PCDH17: variants seen among roughly 807,000 people sequenced by gnomAD.
PCDH17 encodes the protein protocadherin 17.
A neutral mutation model predicts 67.7 loss-of-function variants in PCDH17; 21 were observed. That is an observed-to-expected ratio of 0.31 (90% CI 0.22 to 0.45). PCDH17 has a LOEUF of 0.45. Ranked by LOEUF, PCDH17 falls within the 20% of genes least tolerant of loss-of-function variation. The pLI is 1.00. For synonymous variants in PCDH17, 701 were observed against 656.7 expected (o/e 1.07, Z -1.03); for missense variants, 1,471 against 1,564.8 (o/e 0.94, Z 1.01).
At chr13:57,670,246 C>T (rs769853014) in intron 3 of PCDH17, among the ~76,000 whole-genome samples, 1 of 151,824 alleles carries the variant, frequency 6.6e-6, no homozygotes, top group Non-Finnish European at 1.5e-5. Context: ...ATTTGAAAAA[C>T]ATCATGAGAG....
chr13:57,634,422 G>C lies in PCDH17; in HGVS notation c.1876G>C (p.Glu626Gln). Reference sequence around the variant, plus strand: ...CGGCGAGAGCGGGCGTCTCACCTACGAGATCGTGGACGGCAACGACGACCA... The same window carrying C: ...CGGCGAGAGCGGGCGTCTCACCTACCAGATCGTGGACGGCAACGACGACCA... The part of the protein sequence containing the change: ...DFGESGRLTY[E>Q]IVDGNDDHLF... The change falls in exon 1 of 4, where the codon GAG becomes CAG. Residue 626 changes from glutamate to glutamine, a missense_variant. Transcript: ENST00000377918. The surrounding 1 kb of genome is among the most constrained non-coding windows in gnomAD (Gnocchi z 7.8). The C allele has an allele frequency of 6.2e-7, 1 of 1,612,844 alleles. No homozygotes were observed. Among genetic ancestry groups the C allele is most frequent in the Non-Finnish European group, 8.5e-7 (1 of 1,179,952 alleles).
chr13:57,716,589 C>A lies in PCDH17; in HGVS notation c.2798-8023C>A, dbSNP rs566589266. Reference sequence around the variant, plus strand: ...CATAAAGCCTTTCACAATATTACAACCTACGCTTTTCTCTGTATTTCTGCT... The same window carrying A: ...CATAAAGCCTTTCACAATATTACAAACTACGCTTTTCTCTGTATTTCTGCT... On this transcript the variant is annotated intron_variant, in intron 3 of 3. Coordinates refer to ENST00000377918, the MANE Select transcript of PCDH17 (RefSeq NM_001040429.3). Among the ~76,000 whole-genome samples the A allele has an allele frequency of 1.1e-4, 16 of 152,004 alleles. No homozygotes were observed. In the South Asian group the frequency reaches 2.9e-3, roughly 28 times the overall value.
intron 3 of PCDH17, among the ~76,000 whole-genome samples, chr13:57,701,854 G>A (rs958598221): frequency 5.3e-5 from 8 of 152,046 alleles, no homozygotes; most frequent in African/African-American, 1.9e-4. Context: ...TAAATTGAGT[G>A]AGAAGTTTTA....
chr13:57,716,227 A>C (rs1356921456), intron 3 of PCDH17, among the ~76,000 whole-genome samples: 1 of 152,066 alleles, frequency 6.6e-6, no homozygotes, highest in East Asian at 1.9e-4. Context: ...AACCACCGAA[A>C]TAATTCAAGA....
At chr13:57,638,345 T>A (rs1408306986) in intron 1 of PCDH17, among the ~76,000 whole-genome samples, 2 of 152,194 alleles carry the variant, frequency 1.3e-5, no homozygotes, top group East Asian at 3.9e-4. Flanking sequence ...CAGGGTGACT[T>A]CTCAACAGGT....
intron 1 of PCDH17, among the ~76,000 whole-genome samples, chr13:57,642,050 TTTTC>T (rs1265934052): frequency 1.3e-5 from 2 of 151,708 alleles, no homozygotes; most frequent in Non-Finnish European, 3.0e-5. Context: ...TATTATCTTA[TTTTC>T]TTTATGTTTC....
intron 1 of PCDH17, among the ~76,000 whole-genome samples, chr13:57,642,931 T>C (rs1466108531): frequency 6.6e-6 from 1 of 151,718 alleles, no homozygotes; most frequent in African/African-American, 2.4e-5. Flanking sequence ...TTTGCATCAG[T>C]TTTGAACATC....
chr13:57,643,893 TAAA>T (rs886580873), intron 1 of PCDH17, among the ~76,000 whole-genome samples: 1 of 151,710 alleles, frequency 6.6e-6, no homozygotes, highest in African/African-American at 2.4e-5. Context: ...ATTCCTGACT[TAAA>T]GAAGTAAGCT....
At chr13:57,665,746 A>G (rs1042361150) in intron 1 of PCDH17, among the ~76,000 whole-genome samples, 4 of 152,206 alleles carry the variant, frequency 2.6e-5, no homozygotes, top group African/African-American at 4.8e-5. Flanking sequence ...GTTTGGAAGC[A>G]GTAAAAACAA....
At chr13:57,671,940 A>G (rs2138032552) in intron 3 of PCDH17, among the ~76,000 whole-genome samples, 1 of 152,004 alleles carries the variant, frequency 6.6e-6, no homozygotes, top group South Asian at 2.1e-4. Context: ...TTACCATTCT[A>G]ATTCTTTCTC....
intron 3 of PCDH17, among the ~76,000 whole-genome samples, chr13:57,694,821 A>T (rs1955591497): frequency 6.6e-6 from 1 of 151,006 alleles, no homozygotes; most frequent in Non-Finnish European, 1.5e-5. Flanking sequence ...CCTCAGAGAG[A>T]TCGTATGTAG....
chr13:57,722,613 A>T (rs1395022699), intron 3 of PCDH17, among the ~76,000 whole-genome samples: 3 of 151,936 alleles, frequency 2.0e-5, no homozygotes, highest in Non-Finnish European at 4.4e-5. Flanking sequence ...TTTTCTATGT[A>T]TTTATTTACT....
chr13:57,673,344 T>C (rs1158498953), intron 3 of PCDH17, among the ~76,000 whole-genome samples: 1 of 151,992 alleles, frequency 6.6e-6, no homozygotes, highest in African/African-American at 2.4e-5. Flanking sequence ...TACTCAAGAC[T>C]TGATGGGCTT....
At chr13:57,688,553 A>C (rs1045187614) in intron 3 of PCDH17, among the ~76,000 whole-genome samples, 1 of 152,060 alleles carries the variant, frequency 6.6e-6, no homozygotes, top group Non-Finnish European at 1.5e-5. Context: ...GTGTGTGCAC[A>C]TGTTTGTTTT....
chr13:57,664,947 A>G (rs1454491282), intron 1 of PCDH17, among the ~76,000 whole-genome samples: 2 of 152,182 alleles, frequency 1.3e-5, no homozygotes, highest in Non-Finnish European at 2.9e-5. Context: ...AAGATGCTTC[A>G]CTGAATCTAG....
intron 1 of PCDH17, among the ~76,000 whole-genome samples, chr13:57,657,731 C>T (rs1225948329): frequency 6.6e-6 from 1 of 152,170 alleles, no homozygotes; most frequent in African/African-American, 2.4e-5. Flanking sequence ...GGTAGACAAA[C>T]AAACTTCTGT....
chr13:57,676,607 G>A (rs1158679892), intron 3 of PCDH17, among the ~76,000 whole-genome samples: 1 of 151,692 alleles, frequency 6.6e-6, no homozygotes, highest in East Asian at 1.9e-4. Flanking sequence ...AAGATAATAG[G>A]GTTCATAACA....
rs778306768 is a variant in PCDH17, at chr13:57,715,896, G to A, written c.2798-8716G>A. ...AAGAGGGAAGAAAGATAAAGCAGAT[G>A]TAGGAAAAAGAAATATTTTTCTAAT... On this transcript the variant is annotated intron_variant, in intron 3 of 3. Coordinates refer to ENST00000377918, the MANE Select transcript of PCDH17 (RefSeq NM_001040429.3). Among the ~76,000 whole-genome samples, 11 of 151,954 alleles carry A rather than the reference G, an allele frequency of 7.2e-5. 1 individual carries two copies. Among genetic ancestry groups the A allele is most frequent in the Non-Finnish European group, 1.6e-4 (11 of 67,956 alleles).
chr13:57,652,201 C>A (rs1267703492), intron 1 of PCDH17, among the ~76,000 whole-genome samples: 2 of 147,898 alleles, frequency 1.4e-5, no homozygotes, highest in African/African-American at 2.5e-5. Flanking sequence ...TGGCGTGAAC[C>A]CGGGAAGCGG....
Sources: gnomAD v4.1 joint callset for allele counts (sites outside exome capture counted in the v4.1 genomes callset) on GRCh38, gnomAD v4.1.1 for gene constraint, Gnocchi (gnomAD v3.1) non-coding constraint, MANE v1.5 for transcripts, NCBI Gene and HGNC (gene_info 2026-07-23, HGNC 2026-07-21) for gene names.